MEGF10: variants seen among roughly 807,000 people sequenced by gnomAD.
MEGF10 encodes the protein multiple epidermal growth factor-like domains protein 10.
MEGF10 carries 86 observed loss-of-function variants against 147.5 expected under a neutral mutation model. The observed-to-expected ratio is 0.58, with a 90% CI of 0.49 to 0.70. The LOEUF is 0.70. MEGF10 is among the 30% of genes least tolerant of loss of function. MEGF10 has a pLI of 0.00. For missense variants in MEGF10, 1,329 were observed against 1,487.3 expected, an observed-to-expected ratio of 0.89 and a Z score of 1.75; for synonymous variants, 478 against 525.5, an observed-to-expected ratio of 0.91 and a Z score of 1.24.
upstream of MEGF10, among the ~76,000 whole-genome samples, chr5:127,286,502 T>C (rs1561548938): frequency 6.6e-6 from 1 of 152,186 alleles, no homozygotes; most frequent in East Asian, 1.9e-4. Flanking sequence ...CAGTGTTCTA[T>C]ATAACCTATG....
chr5:127,315,066 A>G (rs968338784), intron 1 of MEGF10, among the ~76,000 whole-genome samples: 1 of 152,144 alleles, frequency 6.6e-6, no homozygotes, highest in Non-Finnish European at 1.5e-5. Flanking sequence ...CAGGGAAATG[A>G]CATTTGATGA....
the MEGF10 span, among the ~76,000 whole-genome samples, chr5:127,252,552 G>A: frequency 6.6e-6 from 1 of 151,882 alleles, no homozygotes; most frequent in Non-Finnish European, 1.5e-5. Context: ...CTTTACACAT[G>A]TATTAATGCA....
chr5:127,373,340 C>T (rs557199639), intron 5 of MEGF10, among the ~76,000 whole-genome samples: 28 of 152,156 alleles, frequency 1.8e-4, no homozygotes, highest in African/African-American at 5.3e-4. Flanking sequence ...TTAGCAGAGA[C>T]GGGGTTTCAC....
chr5:127,298,800 C>T (rs1300561141), intron 1 of MEGF10, among the ~76,000 whole-genome samples: 10 of 152,076 alleles, frequency 6.6e-5, no homozygotes, highest in East Asian at 1.9e-4. Flanking sequence ...ATGTGACAGC[C>T]GGAGTAAAGG....
chr5:127,370,257 G>T (rs1194784347), intron 5 of MEGF10, among the ~76,000 whole-genome samples: 2 of 152,312 alleles, frequency 1.3e-5, no homozygotes, highest in African/African-American at 4.8e-5. Context: ...TACTTCTGTG[G>T]ATATGAATGC....
At chr5:127,288,708 A>T (rs7733373), upstream of MEGF10, among the ~76,000 whole-genome samples, 84,136 of 151,988 alleles carry the variant, frequency 0.55, 23,769 homozygotes, top group Middle Eastern at 0.71. Flanking sequence ...AGTTACTGTA[A>T]TAATAATTTT....
chr5:127,235,568 A>G, the MEGF10 span, among the ~76,000 whole-genome samples: 3 of 152,374 alleles, frequency 2.0e-5, no homozygotes, highest in East Asian at 1.9e-4. Context: ...CATGTCATCC[A>G]GAATCTGCAG....
intron 1 of MEGF10, among the ~76,000 whole-genome samples, chr5:127,297,415 A>G (rs1244858804): frequency 6.6e-6 from 1 of 152,174 alleles, no homozygotes; most frequent in Non-Finnish European, 1.5e-5. Flanking sequence ...ATAAATATAT[A>G]CATCTACTAT....
intron 1 of MEGF10, among the ~76,000 whole-genome samples, chr5:127,307,443 G>A (rs1359713563): frequency 2.0e-5 from 3 of 152,120 alleles, no homozygotes; most frequent in Admixed American, 6.5e-5. Context: ...GCCTGGCCAC[G>A]GAGCTGCACA....
At chr5:127,277,182 C>T in the MEGF10 span, among the ~76,000 whole-genome samples, 1 of 152,190 alleles carries the variant, frequency 6.6e-6, no homozygotes, top group Admixed American at 6.5e-5. Flanking sequence ...CTCATTTCCC[C>T]AGGTGCAAGA....
In MEGF10 at chr5:127,422,675, C is replaced by T. The variant is rs1280528990; in HGVS notation, c.1596C>T (p.Gly532=). Residue 532 remains glycine (G), a synonymous_variant, in exon 13 of 25, where the codon GGC becomes GGT. Coordinates refer to ENST00000503335, the MANE Select transcript of MEGF10 (RefSeq NM_001256545.2). ...TGATGCTGTTTTCCATGCAGGATGG[C>T]ACGTACGGGCTGAACTGTGCTGAGC... The part of the protein sequence containing the change: ...GEKCELPCQD[G]TYGLNCAERC... 9.9e-6 allele frequency: 16 copies of T among 1,613,766 alleles called. No homozygotes were observed. The highest frequency in any genetic ancestry group is 1.2e-5 in the Non-Finnish European group (14 of 1,179,720).
At chr5:127,435,315 G>C in intron 15 of MEGF10, 46 bp from the exon 16 acceptor site, 2 of 1,608,264 alleles carry the variant, frequency 1.2e-6, no homozygotes, top group Non-Finnish European at 1.7e-6. Flanking sequence ...AGGGTTCTGC[G>C]AGAGGGGTTT....
At chr5:127,450,881 C>T (rs1479066804) in intron 22 of MEGF10, among the ~76,000 whole-genome samples, 1 of 152,084 alleles carries the variant, frequency 6.6e-6, no homozygotes, top group Non-Finnish European at 1.5e-5. Flanking sequence ...GCCTTAGCCT[C>T]CCAAGCAGCT....
chr5:127,285,304 T>C, the MEGF10 span, among the ~76,000 whole-genome samples: 7 of 152,146 alleles, frequency 4.6e-5, no homozygotes, highest in African/African-American at 1.7e-4. Flanking sequence ...ATGGACTGCA[T>C]ATACAAAAAT....
the MEGF10 span, among the ~76,000 whole-genome samples, chr5:127,260,890 A>G: frequency 6.6e-6 from 1 of 152,106 alleles, no homozygotes; most frequent in Non-Finnish European, 1.5e-5. Flanking sequence ...ACAACTGCGC[A>G]ATCCCTCATT....
chr5:127,440,557 C>A (rs577889248), intron 17 of MEGF10, among the ~76,000 whole-genome samples, 182 bp from the exon 18 acceptor site: 1 of 152,338 alleles, frequency 6.6e-6, no homozygotes, highest in Admixed American at 6.5e-5. Flanking sequence ...AACCTCCTTG[C>A]AAGAGCCCTG....
At chr5:127,263,563 T>G in the MEGF10 span, among the ~76,000 whole-genome samples, 2 of 152,150 alleles carry the variant, frequency 1.3e-5, no homozygotes, top group Non-Finnish European at 2.9e-5. Flanking sequence ...AGCTGTAGGA[T>G]TGCTTTTCCT....
At chr5:127,381,790 C>A (rs1047223127) in intron 5 of MEGF10, among the ~76,000 whole-genome samples, 2 of 152,182 alleles carry the variant, frequency 1.3e-5, no homozygotes, top group African/African-American at 2.4e-5. Flanking sequence ...CCTGCCTCAG[C>A]CTCCTGAGTA....
intron 4 of MEGF10, among the ~76,000 whole-genome samples, chr5:127,357,937 G>C (rs968690978): frequency 6.6e-6 from 1 of 152,134 alleles, no homozygotes; most frequent in African/African-American, 2.4e-5. Context: ...ATTTCCCCAG[G>C]TCTAACCTGA....
Sources: allele counts gnomAD v4.1 joint callset (sites outside exome capture counted in the v4.1 genomes callset), GRCh38; gene constraint gnomAD v4.1.1; transcripts MANE v1.5; gene names NCBI Gene and HGNC (gene_info 2026-07-23, HGNC 2026-07-21).